Variants in C2CD5 observed in about 807,000 individuals in gnomAD.
The protein encoded by C2CD5 is C2 calcium dependent domain containing 5.
In C2CD5, 109 loss-of-function variants were observed where a neutral mutation model predicts 130.3. The observed-to-expected ratio is 0.84, with a 90% CI of 0.72 to 0.98. The LOEUF (loss-of-function observed/expected upper bound fraction) is 0.98, where lower values mean the gene tolerates loss of function less well. Among genes scored for constraint, C2CD5 ranks in the 50% least tolerant of loss-of-function variants. The pLI is 0.00. For missense variants in C2CD5, 996 were observed against 1,261.8 expected, an observed-to-expected ratio of 0.79 and a Z score of 3.19; for synonymous variants, 454 against 429.2, an observed-to-expected ratio of 1.06 and a Z score of -0.71.
At chr12:22,532,047 T>C (rs1354667990) in intron 3 of C2CD5, among the ~76,000 whole-genome samples, 1 of 152,142 alleles carries the variant, frequency 6.6e-6, no homozygotes, top group Non-Finnish European at 1.5e-5. Context: ...TTTAAAAATA[T>C]TATTCCCAGG....
intron 16 of C2CD5, among the ~76,000 whole-genome samples, chr12:22,473,632 C>T (rs1007146958): frequency 6.6e-5 from 10 of 152,138 alleles, no homozygotes; most frequent in Non-Finnish European, 1.3e-4. Context: ...TCAGACTTAT[C>T]AATAATGCCC....
At position 22,507,656 on chromosome 12, in the gene C2CD5, C is replaced by T. The variant is rs148170898; in HGVS notation, c.1039-837G>A. On this transcript the variant is annotated intron_variant, in intron 9 of 26. Coordinates refer to ENST00000446597, the MANE Select transcript of C2CD5 (RefSeq NM_001286176.2). Reference sequence around the variant, plus strand: ...CCTGTGAAAACATGGAGGCCCCTCACATTACACAAATTGGATGCAAGTAAG... The same window carrying T: ...CCTGTGAAAACATGGAGGCCCCTCATATTACACAAATTGGATGCAAGTAAG... 6.6e-5 allele frequency among the ~76,000 whole-genome samples: 10 copies of T among 152,320 alleles called. No homozygotes were observed. In the East Asian group the frequency reaches 1.7e-3, roughly 26 times the overall value.
intron 2 of C2CD5, among the ~76,000 whole-genome samples, chr12:22,540,429 T>A (rs953125178): frequency 6.6e-6 from 1 of 152,264 alleles, no homozygotes; most frequent in African/African-American, 2.4e-5. Flanking sequence ...GTTCCGTGAA[T>A]GAAGTTTTTT....
chr12:22,506,468 G>T (rs1348521282), intron 10 of C2CD5, among the ~76,000 whole-genome samples: 1 of 152,064 alleles, frequency 6.6e-6, no homozygotes, highest in Non-Finnish European at 1.5e-5. Context: ...AGTTATTTAA[G>T]GATTTCCTTA....
At chr12:22,466,469 TCTTC>T (rs1211624486) in intron 22 of C2CD5, among the ~76,000 whole-genome samples, 1 of 152,200 alleles carries the variant, frequency 6.6e-6, no homozygotes, top group Non-Finnish European at 1.5e-5. Context: ...TACCTTCCTC[TCTTC>T]CTATTTCCGC....
intron 26 of C2CD5, among the ~76,000 whole-genome samples, chr12:22,451,380 T>C (rs1430731911): frequency 6.6e-6 from 1 of 152,174 alleles, no homozygotes; most frequent in Non-Finnish European, 1.5e-5. Flanking sequence ...TTTCTTAAGC[T>C]GAGGGTCACG....
intron 19 of C2CD5, 53 bp from the exon 20 acceptor site, chr12:22,471,541 A>G (rs1943030781): frequency 1.9e-6 from 2 of 1,074,986 alleles, no homozygotes; most frequent in African/African-American, 3.2e-5. Context: ...AAATTTTTAA[A>G]AGCTGATTTT....
intron 15 of C2CD5, among the ~76,000 whole-genome samples, chr12:22,475,977 A>G (rs74068591): frequency 0.044 from 6,750 of 152,166 alleles, 508 homozygotes; most frequent in African/African-American, 0.15. Context: ...TAATTTTACA[A>G]TAGTTTTAAA....
chr12:22,506,604 TTTTCA>T (rs778425275), intron 10 of C2CD5, 102 bp downstream of exon 10: 1 of 688,354 alleles, frequency 1.5e-6, no homozygotes, highest in Non-Finnish European at 2.6e-6. Context: ...TTATACTTTC[TTTTCA>T]TTTCTCTTTT....
Position 22,449,667 on chromosome 12 carries a change from C to T in C2CD5, c.*93G>A. ...CTACTCAATTCTTCCTTATTTATCT[C>T]AAGTTCAATTTTAAGTCTAAGAAGA... On this transcript the variant is annotated 3_prime_UTR_variant, in exon 27 of 27. Coordinates refer to ENST00000446597, the MANE Select transcript of C2CD5 (RefSeq NM_001286176.2). 8.6e-7 allele frequency: 1 copy of T among 1,157,552 alleles called. No homozygotes were observed. Among genetic ancestry groups the T allele is most frequent in the East Asian group, 2.4e-5 (1 of 42,014 alleles). The allele number at this position is 1,157,552 out of a possible 1,614,324, so 71.7% of individuals were successfully genotyped here.
In C2CD5 at chr12:22,484,691, A is replaced by G. The variant is rs746480812; in HGVS notation, c.1550+6T>C. On this transcript the variant is annotated splice_donor_region_variant and intron_variant, in intron 13 of 26. Coordinates refer to ENST00000446597, the MANE Select transcript of C2CD5 (RefSeq NM_001286176.2). The stretch of plus-strand genomic sequence containing the variant: ...GGGACACCGAGTGTTGTTTTCACAA[A>G]CATACCTTGCTTGAATAAGACAACC... 2 of 1,532,444 alleles carry G rather than the reference A, an allele frequency of 1.3e-6. No individual in the cohort carries two copies. The highest frequency in any genetic ancestry group is 3.9e-5 in the Admixed American group (2 of 51,116). The allele number at this position is 1,532,444 out of a possible 1,614,324, so 94.9% of individuals were successfully genotyped here.
At chr12:22,497,073 G>C (rs67518988) in intron 10 of C2CD5, among the ~76,000 whole-genome samples, 23,888 of 151,994 alleles carry the variant, frequency 0.16, 3,814 homozygotes, top group African/African-American at 0.41. Context: ...CAACCTCTTT[G>C]AGATTTTAGG....
chr12:22,475,830 A>G (rs142525357), intron 15 of C2CD5, among the ~76,000 whole-genome samples: 269 of 152,212 alleles, frequency 1.8e-3, no homozygotes, highest in African/African-American at 6.0e-3. Flanking sequence ...TAACTACAAA[A>G]TGGAAAAGAG....
intron 10 of C2CD5, among the ~76,000 whole-genome samples, chr12:22,494,146 C>T (rs1366460277): frequency 6.6e-6 from 1 of 151,916 alleles, no homozygotes. Context: ...CTACTGGTGA[C>T]AGCAGCTGCA....
chr12:22,467,816 C>A (rs551620978), intron 22 of C2CD5, among the ~76,000 whole-genome samples: 1 of 152,296 alleles, frequency 6.6e-6, no homozygotes, highest in Admixed American at 6.5e-5. Flanking sequence ...CACAAAATAT[C>A]ATTTGGATAC....
intron 25 of C2CD5, among the ~76,000 whole-genome samples, chr12:22,454,244 C>T (rs746813376): frequency 7.2e-5 from 11 of 152,122 alleles, no homozygotes; most frequent in Non-Finnish European, 1.5e-4. Context: ...GGATTTACTA[C>T]CTTTACTTTA....
intron 2 of C2CD5, among the ~76,000 whole-genome samples, chr12:22,537,969 T>G (rs1373692407): frequency 6.6e-6 from 1 of 151,782 alleles, no homozygotes; most frequent in Non-Finnish European, 1.5e-5. Flanking sequence ...TTATTTGGTC[T>G]TCACTGGGTC....
intron 6 of C2CD5, 57 bp from the exon 7 acceptor site, chr12:22,523,681 G>C: frequency 9.0e-6 from 11 of 1,216,002 alleles, no homozygotes; most frequent in Non-Finnish European, 1.3e-5. Flanking sequence ...CATACTATAA[G>C]ACTGGACATG....
In C2CD5 at chr12:22,505,254, CTTTTTTTTTT is replaced by C. The variant is rs371726014; in HGVS notation, c.1147+1447_1147+1456del. Among the ~76,000 whole-genome samples, 387 of 106,328 alleles carry C rather than the reference CTTTTTTTTTT, an allele frequency of 3.6e-3. 4 individuals carry two copies. The highest frequency in any genetic ancestry group is 2.8e-3 in the Non-Finnish European group (165 of 58,492). The allele number at this position is 106,328 out of a possible 152,430, so 69.8% of individuals were successfully genotyped here. Reference sequence around the variant, plus strand: ...AAAGCATTTTTACCCTTCTTTCTTTCTTTTTTTTTTTTTTTTTTTTGAGACAGAGTTTCGC... The same window carrying C: ...AAAGCATTTTTACCCTTCTTTCTTTCTTTTTTTTTTGAGACAGAGTTTCGC... On this transcript the variant is annotated intron_variant, in intron 10 of 26. Coordinates refer to ENST00000446597, the MANE Select transcript of C2CD5 (RefSeq NM_001286176.2).
Sources: allele counts gnomAD v4.1 joint callset (sites outside exome capture counted in the v4.1 genomes callset), GRCh38; gene constraint gnomAD v4.1.1; transcripts MANE v1.5; gene names NCBI Gene and HGNC (gene_info 2026-07-23, HGNC 2026-07-21).